DPF3: variants seen among roughly 807,000 people sequenced by gnomAD.
The protein encoded by DPF3 is double PHD fingers 3, also known as zinc finger protein DPF3.
DPF3 carries 18 observed loss-of-function variants against 56.8 expected under a neutral mutation model. That is an observed-to-expected ratio of 0.32 (90% CI 0.22 to 0.47). DPF3 has a LOEUF of 0.47. Ranked by LOEUF, DPF3 falls within the 20% of genes least tolerant of loss-of-function variation. The probability of loss-of-function intolerance (pLI) is 1.00; values close to 1 mark genes in which losing one functional copy is unlikely to be tolerated. For synonymous variants in DPF3, 188 were observed against 180.2 expected, an observed-to-expected ratio of 1.04 and a Z score of -0.35; for missense variants, 403 against 488.8, an observed-to-expected ratio of 0.82 and a Z score of 1.65.
chr14:72,611,212 G>A lies in DPF3; in HGVS notation c.*8085C>T, dbSNP rs970990380. On this transcript the variant is annotated 3_prime_UTR_variant, in exon 11 of 11. Transcript: ENST00000556509. ...AGGCATTTTGCTTGAAAGCAAGGTTGGTGTGGCTTCTTCAGGGAATAACTC... is the reference window on the plus strand; with the variant it reads ...AGGCATTTTGCTTGAAAGCAAGGTTAGTGTGGCTTCTTCAGGGAATAACTC... Among the ~76,000 whole-genome samples the A allele has an allele frequency of 2.0e-5, 3 of 152,202 alleles. No individual in the cohort carries two copies. The highest frequency in any genetic ancestry group is 2.9e-5 in the Non-Finnish European group (2 of 68,040).
chr14:72,619,644 C>G (rs1023061854), intron 10 of DPF3, among the ~76,000 whole-genome samples: 1 of 152,174 alleles, frequency 6.6e-6, no homozygotes, highest in Non-Finnish European at 1.5e-5. Flanking sequence ...TCACACCTCC[C>G]GGTCATCTCC....
intron 1 of DPF3, among the ~76,000 whole-genome samples, chr14:72,802,585 C>G (rs563028722): frequency 6.6e-6 from 1 of 152,202 alleles, no homozygotes; most frequent in Non-Finnish European, 1.5e-5. Flanking sequence ...ATGCCCCCAA[C>G]AGCCCAGAAC....
chr14:72,718,767 TGC>T (rs1889040247), intron 5 of DPF3, among the ~76,000 whole-genome samples: 1 of 92,710 alleles, frequency 1.1e-5, no homozygotes, highest in African/African-American at 4.1e-5. Flanking sequence ...TCTACACCCT[TGC>T]TATTTTTTTT....
intron 4 of DPF3, among the ~76,000 whole-genome samples, chr14:72,728,908 G>A (rs548767614): frequency 1.3e-5 from 2 of 152,258 alleles, no homozygotes; most frequent in South Asian, 4.2e-4. Flanking sequence ...GGGGCAGTCA[G>A]GGCAAGGGTG....
chr14:72,757,192 T>G (rs1259460743), intron 2 of DPF3, among the ~76,000 whole-genome samples: 1 of 152,098 alleles, frequency 6.6e-6, no homozygotes. Flanking sequence ...AGTTTCATCT[T>G]TCCCCATCCA....
At chr14:72,866,791 T>C (rs998083603) in intron 1 of DPF3, among the ~76,000 whole-genome samples, 3 of 150,482 alleles carry the variant, frequency 2.0e-5, no homozygotes, top group Non-Finnish European at 4.5e-5. Context: ...AGGAGGTGGA[T>C]GTTGCAGTGA....
intron 1 of DPF3, among the ~76,000 whole-genome samples, chr14:72,827,133 T>C (rs1883843891): frequency 6.6e-6 from 1 of 152,178 alleles, no homozygotes; most frequent in African/African-American, 2.4e-5. Flanking sequence ...CCAGCTTCTT[T>C]TTCCATTTCT....
chr14:72,748,695 G>A (rs1261748304), intron 3 of DPF3, among the ~76,000 whole-genome samples: 3 of 152,150 alleles, frequency 2.0e-5, no homozygotes, highest in African/African-American at 7.2e-5. Flanking sequence ...TGCAGCCTAG[G>A]GACTTGGTGT....
intron 8 of DPF3, chr14:72,661,589 G>A (rs893503932): frequency 1.3e-5 from 13 of 985,384 alleles, no homozygotes; most frequent in African/African-American, 3.5e-5. Flanking sequence ...ACACAGCGCC[G>A]AGATACATCC....
chr14:72,894,055 AC>A lies in DPF3; in HGVS notation c.32+1del, dbSNP rs763199046. ...ATATGTACATTTTTTAGTCTTACTTACGCTTTCAGGGGGTTGTGAATGACAG... is the reference window on the plus strand; with the variant it reads ...ATATGTACATTTTTTAGTCTTACTTAGCTTTCAGGGGGTTGTGAATGACAG... On this transcript the variant is annotated splice_donor_variant, in intron 1 of 10. Coordinates refer to ENST00000556509, the MANE Select transcript of DPF3 (RefSeq NM_001280542.3). LOFTEE classifies it high-confidence loss of function. The A allele has an allele frequency of 2.5e-6, 4 of 1,610,512 alleles. No homozygotes were observed. The Admixed American group carries it at 6.8e-5, about 27-fold the overall frequency.
chr14:72,805,568 A>G (rs1882736764), intron 1 of DPF3, among the ~76,000 whole-genome samples: 1 of 145,038 alleles, frequency 6.9e-6, no homozygotes, highest in Admixed American at 6.9e-5. Flanking sequence ...GAGTATGGCC[A>G]GGCGCGGTGG....
At chr14:72,865,375 G>A (rs1490137351) in intron 1 of DPF3, among the ~76,000 whole-genome samples, 1 of 152,232 alleles carries the variant, frequency 6.6e-6, no homozygotes, top group African/African-American at 2.4e-5. Flanking sequence ...GGCCATGGGA[G>A]CATGATGCGG....
At chr14:72,869,216 C>T (rs1009545041) in intron 1 of DPF3, among the ~76,000 whole-genome samples, 3 of 152,220 alleles carry the variant, frequency 2.0e-5, no homozygotes, top group Non-Finnish European at 2.9e-5. Flanking sequence ...CCCTACTATA[C>T]TCTTCTATCT....
At chr14:72,789,645 T>G (rs1892347974) in intron 1 of DPF3, among the ~76,000 whole-genome samples, 2 of 152,130 alleles carry the variant, frequency 1.3e-5, no homozygotes, top group South Asian at 4.1e-4. Context: ...TTCACCTACT[T>G]AGCTACCCCA....
At chr14:72,621,743 G>C (rs921561026) in intron 9 of DPF3, among the ~76,000 whole-genome samples, 15 of 152,176 alleles carry the variant, frequency 9.9e-5, no homozygotes, top group Non-Finnish European at 1.8e-4. Flanking sequence ...TTACAATTGC[G>C]GCATGGAGAA....
At chr14:72,876,328 G>T (rs1190920829) in intron 1 of DPF3, among the ~76,000 whole-genome samples, 1 of 152,178 alleles carries the variant, frequency 6.6e-6, no homozygotes, top group Non-Finnish European at 1.5e-5. Flanking sequence ...ACGGGGTCCA[G>T]TTCAACCCCT....
chr14:72,867,939 C>T (rs994407432), intron 1 of DPF3, among the ~76,000 whole-genome samples: 1 of 151,920 alleles, frequency 6.6e-6, no homozygotes, highest in Non-Finnish European at 1.5e-5. Context: ...CGGCATTTCA[C>T]CATGTTGCCC....
chr14:72,771,177 A>C (rs1291858102), intron 2 of DPF3, among the ~76,000 whole-genome samples: 1 of 152,136 alleles, frequency 6.6e-6, no homozygotes, highest in Non-Finnish European at 1.5e-5. Context: ...AAAAAAAAAA[A>C]AATAACAATA....
chr14:72,652,462 G>C (rs1360251365), intron 8 of DPF3, among the ~76,000 whole-genome samples: 2 of 152,286 alleles, frequency 1.3e-5, no homozygotes, highest in South Asian at 4.2e-4. Flanking sequence ...GATGGTGCTG[G>C]GGGGAGGCGG....
Sources: gnomAD v4.1 joint callset for allele counts (sites outside exome capture counted in the v4.1 genomes callset) on GRCh38, gnomAD v4.1.1 for gene constraint, MANE v1.5 for transcripts, NCBI Gene and HGNC (gene_info 2026-07-23, HGNC 2026-07-21) for gene names.